KCNU1: variants seen among roughly 807,000 people sequenced by gnomAD.
The protein encoded by KCNU1 is potassium calcium-activated channel subfamily U member 1.
KCNU1 carries 93 observed loss-of-function variants against 126.8 expected under a neutral mutation model. The ratio of observed to expected loss-of-function variants is 0.73; its 90% CI spans 0.62 to 0.87. KCNU1 has a LOEUF of 0.87. Ranked by LOEUF, KCNU1 falls within the 40% of genes least tolerant of loss-of-function variation. The pLI, the probability that KCNU1 is intolerant of heterozygous loss-of-function variation, is 0.00. For synonymous variants in KCNU1, 523 were observed against 494.2 expected (o/e 1.06, Z -0.77); for missense variants, 1,330 against 1,367.1 (o/e 0.97, Z 0.43).
chr8:36,868,398 G>A (rs1467778732), intron 19 of KCNU1, among the ~76,000 whole-genome samples: 2 of 152,046 alleles, frequency 1.3e-5, no homozygotes, highest in Admixed American at 1.3e-4. Context: ...TAAAGTATGT[G>A]CTATGTGCTA....
chr8:36,888,026 C>T (rs1806786353), intron 19 of KCNU1, among the ~76,000 whole-genome samples: 1 of 152,040 alleles, frequency 6.6e-6, no homozygotes, highest in South Asian at 2.1e-4. Flanking sequence ...AAAGATTTTT[C>T]TGGGTTGCCC....
intron 14 of KCNU1, among the ~76,000 whole-genome samples, chr8:36,839,220 G>T (rs928133137): frequency 2.6e-5 from 4 of 152,110 alleles, no homozygotes; most frequent in African/African-American, 9.7e-5. Context: ...TTCAGAGCAT[G>T]GCCTTAAACT....
intron 2 of KCNU1, among the ~76,000 whole-genome samples, chr8:36,796,884 T>C (rs1225382892): frequency 1.3e-5 from 2 of 152,220 alleles, no homozygotes; most frequent in Admixed American, 1.3e-4. Context: ...TATGGTGATC[T>C]ATTTTATTGG....
intron 13 of KCNU1, 31 bp from the exon 14 acceptor site, chr8:36,836,762 A>G (rs764165591): frequency 1.2e-6 from 2 of 1,607,938 alleles, no homozygotes; most frequent in African/African-American, 1.3e-5. Flanking sequence ...GTTTATTCCT[A>G]ATGTTTGACC....
At chr8:36,793,284 C>T (rs898258371) in intron 2 of KCNU1, among the ~76,000 whole-genome samples, 2 of 151,790 alleles carry the variant, frequency 1.3e-5, no homozygotes, top group Admixed American at 6.6e-5. Context: ...CACACACCAA[C>T]GTGGCACATG....
chr8:36,791,392 A>G (rs1005592267), intron 2 of KCNU1, among the ~76,000 whole-genome samples: 4 of 152,174 alleles, frequency 2.6e-5, no homozygotes, highest in African/African-American at 7.2e-5. Context: ...GCTTATTTTT[A>G]GCAAATGTAT....
At position 36,905,693 on chromosome 8, in the gene KCNU1, A is replaced by G. The variant is rs577091064; in HGVS notation, c.2010-15A>G. 7.2e-7 allele frequency: 1 copy of G among 1,392,446 alleles called. No homozygotes were observed. The highest frequency in any genetic ancestry group is 1.4e-5 in the African/African-American group (1 of 70,658). 86.3% of individuals were successfully genotyped at this position (1,392,446 alleles called of 1,614,324 possible). On this transcript the variant is annotated splice_polypyrimidine_tract_variant and intron_variant, in intron 19 of 26. Coordinates refer to ENST00000399881, the MANE Select transcript of KCNU1 (RefSeq NM_001031836.3). ...CCAAATAGTCTCAAACTAACTCTCC[A>G]TTCTTCCTATTTAGGACTCTTCAAC...
chr8:36,898,241 C>A (rs117065381), intron 19 of KCNU1, among the ~76,000 whole-genome samples: 1 of 152,022 alleles, frequency 6.6e-6, no homozygotes, highest in African/African-American at 2.4e-5. Context: ...TATTCATATA[C>A]CCTGCAATTA....
intron 18 of KCNU1, among the ~76,000 whole-genome samples, chr8:36,848,936 C>T (rs1467186954): frequency 6.6e-6 from 1 of 152,068 alleles, no homozygotes; most frequent in Admixed American, 6.6e-5. Flanking sequence ...TGTGTCCTAT[C>T]TTTATAACAT....
intron 6 of KCNU1, among the ~76,000 whole-genome samples, chr8:36,807,937 G>A (rs1803568692): frequency 6.6e-6 from 1 of 152,100 alleles, no homozygotes; most frequent in Non-Finnish European, 1.5e-5. Flanking sequence ...AGTATTTCCA[G>A]ACAATAAGAA....
chr8:36,869,084 A>T (rs1806010517), intron 19 of KCNU1, among the ~76,000 whole-genome samples: 1 of 152,200 alleles, frequency 6.6e-6, no homozygotes, highest in Admixed American at 6.5e-5. Flanking sequence ...TTAATTAGAT[A>T]TTAGAAAGAA....
intron 19 of KCNU1, among the ~76,000 whole-genome samples, chr8:36,888,231 G>A (rs1467182957): frequency 6.6e-6 from 1 of 152,094 alleles, no homozygotes; most frequent in Admixed American, 6.6e-5. Context: ...ATGGAACAAC[G>A]AATGGACAAT....
chr8:36,848,459 A>G (rs1338839668), intron 18 of KCNU1, among the ~76,000 whole-genome samples: 1 of 152,182 alleles, frequency 6.6e-6, no homozygotes, highest in Non-Finnish European at 1.5e-5. Flanking sequence ...TAATTTTTAT[A>G]TGGGGTGAAA....
At position 36,864,408 on chromosome 8, in the gene KCNU1, A is replaced by G. The variant is rs777353631; in HGVS notation, c.1896A>G (p.Pro632=). Residue 632 remains proline (P), a synonymous_variant, in exon 19 of 27, where the codon CCA becomes CCG. Coordinates refer to ENST00000399881, the MANE Select transcript of KCNU1 (RefSeq NM_001031836.3). The part of the protein sequence containing the change: ...KSRSRQHITV[P]SVKRMKKCLK... The stretch of plus-strand genomic sequence containing the variant: ...GAGATTTCTATCCTATTGCAGTGCC[A>G]TCGGTAAAGAGAATGAAAAAATGTC... 1.3e-5 allele frequency: 21 copies of G among 1,581,596 alleles called. No homozygotes were observed. The highest frequency in any genetic ancestry group is 2.2e-5 in the South Asian group (2 of 90,388).
chr8:36,917,454 G>C (rs547145380), intron 22 of KCNU1, among the ~76,000 whole-genome samples: 1 of 150,586 alleles, frequency 6.6e-6, no homozygotes, highest in African/African-American at 2.4e-5. Context: ...GGGCTCAAGC[G>C]ACCCTCTCAC....
intron 19 of KCNU1, among the ~76,000 whole-genome samples, chr8:36,902,435 A>C (rs929656440): frequency 6.6e-6 from 1 of 152,036 alleles, no homozygotes; most frequent in African/African-American, 2.4e-5. Flanking sequence ...GTGGAGAAGG[A>C]GGGGAAGTAG....
intron 18 of KCNU1, among the ~76,000 whole-genome samples, chr8:36,854,696 C>G (rs1286624233): frequency 6.6e-6 from 1 of 152,072 alleles, no homozygotes; most frequent in Non-Finnish European, 1.5e-5. Flanking sequence ...TTTTAAAAGT[C>G]TTTGACTAGT....
intron 2 of KCNU1, among the ~76,000 whole-genome samples, chr8:36,801,510 T>C (rs73676531): frequency 0.014 from 2,056 of 152,138 alleles, 45 homozygotes; most frequent in African/African-American, 0.047. Context: ...GTAAGTAATA[T>C]ATGCCATCAT....
In KCNU1 at chr8:36,836,394, T is replaced by G. The variant is rs769357926; in HGVS notation, c.1365+29T>G. On this transcript the variant is annotated intron_variant, in intron 13 of 26. Coordinates refer to ENST00000399881, the MANE Select transcript of KCNU1 (RefSeq NM_001031836.3). The stretch of plus-strand genomic sequence containing the variant: ...TAGTAACATTCTAGCATATTCCATC[T>G]CCTCCTTTTATCTATATAGCTAGAC... 2.8e-6 allele frequency: 4 copies of G among 1,420,370 alleles called. No individual in the cohort carries two copies. The South Asian group carries it at 4.6e-5, about 16-fold the overall frequency. The allele number at this position is 1,420,370 out of a possible 1,614,324, so 88.0% of individuals were successfully genotyped here.
Sources: gnomAD v4.1 joint callset for allele counts (sites outside exome capture counted in the v4.1 genomes callset) on GRCh38, gnomAD v4.1.1 for gene constraint, MANE v1.5 for transcripts, NCBI Gene and HGNC (gene_info 2026-07-23, HGNC 2026-07-21) for gene names.